PNKD: variants seen among roughly 807,000 people sequenced by gnomAD.
PNKD encodes the protein PNKD metallo-beta-lactamase domain containing.
PNKD carries 36 observed loss-of-function variants against 45.3 expected under a neutral mutation model. That is an observed-to-expected ratio of 0.80 (90% confidence interval 0.61 to 1.05). PNKD has a LOEUF of 1.05. Among genes scored for constraint, PNKD ranks in the 50% least tolerant of loss-of-function variants. The probability of loss-of-function intolerance (pLI) is 0.00; values close to 1 mark genes in which losing one functional copy is unlikely to be tolerated. For missense variants in PNKD, 511 were observed against 506.6 expected (o/e 1.01, Z -0.08); for synonymous variants, 197 against 210.1 (o/e 0.94, Z 0.54).
At chr2:218,311,045 G>A (rs1693600806) in intron 2 of PNKD, among the ~76,000 whole-genome samples, 1 of 152,194 alleles carries the variant, frequency 6.6e-6, no homozygotes, top group Admixed American at 6.5e-5. Flanking sequence ...TACACACTAT[G>A]ATGTTTGCAC....
At chr2:218,277,502 A>C in intron 2 of PNKD, 1 of 1,610,182 alleles carries the variant, frequency 6.2e-7, no homozygotes, top group Non-Finnish European at 8.5e-7. Flanking sequence ...CCACGTATGA[A>C]TGACTTCAAA....
At position 218,343,572 on chromosome 2, in the gene PNKD, C is replaced by T. The variant is rs754573542; in HGVS notation, c.854C>T (p.Thr285Ile). 1.2e-6 allele frequency: 2 copies of T among 1,612,726 alleles called. No individual in the cohort carries two copies. Among genetic ancestry groups the T allele is most frequent in the South Asian group, 1.1e-5 (1 of 90,692 alleles). Residue 285 changes from threonine to isoleucine, a missense_variant, in exon 8 of 10, where the codon ACC becomes ATC. Coordinates refer to ENST00000273077, the MANE Select transcript of PNKD (RefSeq NM_015488.5). ...ACTGTGCTGGGGCTAGGGGATGACA[C>T]CCTTCTGTGGCCTGGTGAGACACCC... Reference protein sequence around the residue: ...LDTVLGLGDDTLLWPGHEYAE... With the variant: ...LDTVLGLGDDILLWPGHEYAE...
intron 2 of PNKD, among the ~76,000 whole-genome samples, chr2:218,309,853 T>C (rs1319251474): frequency 6.6e-6 from 1 of 151,716 alleles, no homozygotes; most frequent in Non-Finnish European, 1.5e-5. Context: ...GAGAATCGCT[T>C]GAACCTGGGA....
Position 218,340,694 on chromosome 2 carries a change from G to C in PNKD, c.466-34G>C. The C allele has an allele frequency of 1.9e-6, 3 of 1,569,020 alleles. No homozygotes were observed. Among genetic ancestry groups the C allele is most frequent in the South Asian group, 2.2e-5 (2 of 90,206 alleles). On this transcript the variant is annotated intron_variant, in intron 4 of 9. Transcript: ENST00000273077. The surrounding 1 kb of genome is among the most constrained non-coding windows in gnomAD (Gnocchi z 4.2). ...CTGCTTCAAGTGCCTCTTGCATCCTGCTCCCCAGTCTCCAAACCTCCTCTC... is the reference window on the plus strand; with the variant it reads ...CTGCTTCAAGTGCCTCTTGCATCCTCCTCCCCAGTCTCCAAACCTCCTCTC...
chr2:218,332,216 T>C (rs1259164245), intron 2 of PNKD, among the ~76,000 whole-genome samples: 1 of 152,194 alleles, frequency 6.6e-6, no homozygotes, highest in Non-Finnish European at 1.5e-5. Flanking sequence ...ACAGAGGCTC[T>C]TGTAAGGCCC....
intron 2 of PNKD, chr2:218,275,460 A>G (rs752166044): frequency 2.5e-6 from 4 of 1,608,928 alleles, no homozygotes; most frequent in Admixed American, 3.4e-5. Context: ...TCGGGTGAAA[A>G]TGGGGGCTTG....
chr2:218,318,360 G>A (rs764705232), intron 2 of PNKD: 3 of 152,262 alleles, frequency 2.0e-5, no homozygotes, highest in Admixed American at 2.0e-4. Flanking sequence ...GAGAAGTCAC[G>A]GCCAAAGCCC....
intron 2 of PNKD, chr2:218,279,130 C>T (rs369647330): frequency 1.7e-5 from 28 of 1,613,040 alleles, no homozygotes; most frequent in Non-Finnish European, 2.2e-5. Context: ...CACCCTGAGG[C>T]TTGTCTGCCC....
chr2:218,336,040 C>A (rs1022178905), intron 2 of PNKD, among the ~76,000 whole-genome samples: 1 of 152,058 alleles, frequency 6.6e-6, no homozygotes, highest in East Asian at 1.9e-4. Flanking sequence ...CATGGTGAAA[C>A]CCTGTCTCTA....
intron 2 of PNKD, chr2:218,323,206 G>C (rs941361557): frequency 2.2e-6 from 3 of 1,393,548 alleles, no homozygotes; most frequent in Non-Finnish European, 1.9e-6. Context: ...GCGGGGGGCC[G>C]GGGCCGGGCC....
intron 2 of PNKD, among the ~76,000 whole-genome samples, chr2:218,332,283 G>A (rs1053880952): frequency 2.0e-5 from 3 of 152,162 alleles, no homozygotes; most frequent in Non-Finnish European, 4.4e-5. Context: ...GGCAGTGGAA[G>A]GCAAAATTGA....
intron 2 of PNKD, among the ~76,000 whole-genome samples, chr2:218,298,098 G>A (rs923146919): frequency 3.9e-5 from 6 of 152,128 alleles, no homozygotes; most frequent in African/African-American, 1.4e-4. Flanking sequence ...GAAAGGCAGT[G>A]AGAAAGGCAC....
In PNKD at chr2:218,315,120, C is replaced by CCTTCCTTCCTTT. The variant is rs1553667878; in HGVS notation, c.237-24660_237-24659insCCTTCCTTTCTT. Among the ~76,000 whole-genome samples the CCTTCCTTCCTTT allele has an allele frequency of 5.1e-3, 239 of 47,154 alleles. 1 individual carries two copies. The highest frequency in any genetic ancestry group is 9.1e-3 in the African/African-American group (223 of 24,560). The allele number at this position is 47,154 out of a possible 152,430, so 30.9% of individuals were successfully genotyped here. The stretch of plus-strand genomic sequence containing the variant: ...TCCTTCCTTCCTTCCTTCCTTCCTT[C>CCTTCCTTCCTTT]CTTTCTTTCTTTCTTTCTTTCTTTC... On this transcript the variant is annotated intron_variant, in intron 2 of 9. Transcript: ENST00000273077.
intron 2 of PNKD, among the ~76,000 whole-genome samples, chr2:218,315,756 G>A (rs1231979715): frequency 6.6e-6 from 1 of 152,152 alleles, no homozygotes; most frequent in Non-Finnish European, 1.5e-5. Flanking sequence ...TGTGAGGCAC[G>A]AGTCTAAATT....
chr2:218,340,937 G>A lies in PNKD; in HGVS notation c.524+151G>A. 1 of 705,770 alleles carries A rather than the reference G, an allele frequency of 1.4e-6. No individual in the cohort carries two copies. Among genetic ancestry groups the A allele is most frequent in the Non-Finnish European group, 2.6e-6 (1 of 386,414 alleles). 43.7% of individuals were successfully genotyped at this position (705,770 alleles called of 1,614,324 possible). On this transcript the variant is annotated intron_variant, in intron 5 of 9. Transcript: ENST00000273077. This position sits in a 1 kb window ranked among gnomAD's most constrained non-coding sequence, Gnocchi z 4.2. The stretch of plus-strand genomic sequence containing the variant: ...GAAGTCACCTGGACACCAGCAGGGA[G>A]GGAGGAGAGGGGACAGTCTCCCACC...
At chr2:218,300,181 ACT>A (rs1488439543) in intron 2 of PNKD, among the ~76,000 whole-genome samples, 1 of 151,978 alleles carries the variant, frequency 6.6e-6, no homozygotes, top group Non-Finnish European at 1.5e-5. Context: ...CAAAATCTCA[ACT>A]CTGCACCCAC....
chr2:218,286,048 G>A (rs1692480602), intron 2 of PNKD: 2 of 154,830 alleles, frequency 1.3e-5, no homozygotes, highest in Non-Finnish European at 2.9e-5. Flanking sequence ...AGGGGAGAGA[G>A]ATCACGAGAC....
intron 2 of PNKD, among the ~76,000 whole-genome samples, chr2:218,333,511 T>C (rs921830010): frequency 1.3e-5 from 2 of 152,234 alleles, no homozygotes; most frequent in South Asian, 2.1e-4. Flanking sequence ...CTTGCCAGGC[T>C]CTCGGCTGAG....
chr2:218,277,850 C>T, intron 2 of PNKD: 1 of 1,590,088 alleles, frequency 6.3e-7, no homozygotes, highest in East Asian at 2.2e-5. Context: ...CCAGGACATC[C>T]TTCTGAAATG....
Sources: gnomAD v4.1 joint callset for allele counts (sites outside exome capture counted in the v4.1 genomes callset) on GRCh38, gnomAD v4.1.1 for gene constraint, Gnocchi (gnomAD v3.1) non-coding constraint, MANE v1.5 for transcripts, NCBI Gene and HGNC (gene_info 2026-07-23, HGNC 2026-07-21) for gene names.